ZBTB40: variants seen among roughly 807,000 people sequenced by gnomAD.
ZBTB40 encodes the protein zinc finger and BTB domain containing 40.
A neutral mutation model predicts 117.5 loss-of-function variants in ZBTB40; 60 were observed. The observed-to-expected ratio is 0.51, with a 90% confidence interval of 0.41 to 0.63. ZBTB40 has a LOEUF of 0.63. Ranked by LOEUF, ZBTB40 falls within the 30% of genes least tolerant of loss-of-function variation. ZBTB40 has a pLI of 0.00. For synonymous variants in ZBTB40, 525 were observed against 577.1 expected (o/e 0.91, Z 1.29); for missense variants, 1,287 against 1,498.5 (o/e 0.86, Z 2.33).
At chr1:22,442,848 G>A (rs1362727907) in intron 1 of ZBTB40, among the ~76,000 whole-genome samples, 1 of 152,166 alleles carries the variant, frequency 6.6e-6, no homozygotes, top group African/African-American at 2.4e-5. Flanking sequence ...GTCTCCAACT[G>A]TATTGAAGAA....
At chr1:22,450,167 A>G (rs917631784), upstream of ZBTB40, among the ~76,000 whole-genome samples, 1 of 152,034 alleles carries the variant, frequency 6.6e-6, no homozygotes, top group African/African-American at 2.4e-5. Context: ...CTGGTCTCGA[A>G]CTCCTGACCT....
chr1:22,513,706 T>A lies in ZBTB40; in HGVS notation c.2668+576T>A, dbSNP rs906050266. Reference sequence around the variant, plus strand: ...ACAGAGTGAGACTCCGTCTCAAAAATAATAATAATAATAAATAAAATTAAA... The same window carrying A: ...ACAGAGTGAGACTCCGTCTCAAAAAAAATAATAATAATAAATAAAATTAAA... On this transcript the variant is annotated intron_variant, in intron 12 of 17. Transcript: ENST00000375647. This position sits in a 1 kb window ranked among gnomAD's most constrained non-coding sequence, Gnocchi z 4.9. 1.4e-4 allele frequency among the ~76,000 whole-genome samples: 21 copies of A among 151,850 alleles called. No individual in the cohort carries two copies. Among genetic ancestry groups the A allele is most frequent in the African/African-American group, 5.1e-4 (21 of 41,458 alleles).
chr1:22,440,343 A>C (rs911124319), intron 1 of ZBTB40, among the ~76,000 whole-genome samples: 1 of 152,180 alleles, frequency 6.6e-6, no homozygotes, highest in African/African-American at 2.4e-5. Context: ...CTCTGACTAA[A>C]ACTTCTAATA....
At chr1:22,457,279 A>G (rs1403276815) in intron 1 of ZBTB40, among the ~76,000 whole-genome samples, 1 of 152,226 alleles carries the variant, frequency 6.6e-6, no homozygotes, top group Non-Finnish European at 1.5e-5. Context: ...GGCAAAACCT[A>G]TCTCAGAATT....
chr1:22,441,268 A>G (rs1198837151), intron 1 of ZBTB40, among the ~76,000 whole-genome samples: 3 of 152,164 alleles, frequency 2.0e-5, no homozygotes, highest in South Asian at 2.1e-4. Context: ...TTGGTATACA[A>G]TTGTTTGTAG....
intron 1 of ZBTB40, among the ~76,000 whole-genome samples, chr1:22,429,101 G>T (rs1250494103): frequency 6.6e-6 from 1 of 152,156 alleles, no homozygotes; most frequent in Admixed American, 6.5e-5. Context: ...GAAATTCTTG[G>T]GCCGGGCGCG....
At chr1:22,496,962 A>G (rs142129187) in intron 3 of ZBTB40, among the ~76,000 whole-genome samples, 23 of 152,322 alleles carry the variant, frequency 1.5e-4, no homozygotes, top group African/African-American at 5.3e-4. Context: ...TGCAGCCTTC[A>G]GTCTTTTGCC....
chr1:22,503,113 C>CTT (rs11449962), intron 5 of ZBTB40, among the ~76,000 whole-genome samples: 5,373 of 146,954 alleles, frequency 0.037, 196 homozygotes, highest in African/African-American at 0.083. Flanking sequence ...CATTAGTATC[C>CTT]TTTTTTTTTT....
intron 1 of ZBTB40, 44 bp from the exon 2 acceptor site, chr1:22,489,836 T>G: frequency 2.1e-6 from 2 of 971,690 alleles, no homozygotes; most frequent in Non-Finnish European, 3.3e-6. Flanking sequence ...CCTTTCCCTA[T>G]GGTTTTTTGA....
At chr1:22,488,122 C>T (rs554924315) in intron 1 of ZBTB40, among the ~76,000 whole-genome samples, 15 of 152,286 alleles carry the variant, frequency 9.8e-5, no homozygotes, top group African/African-American at 3.4e-4. Context: ...CTCCTGGACT[C>T]TCCTATCCCC....
rs1027573334 is a variant in ZBTB40, at chr1:22,528,595, G to C, written c.*2199G>C. ...CACCCAGACTGGAACACAGTGGCAC[G>C]ATCTTGGCTCACTGCAACCTCTGCG... On this transcript the variant is annotated 3_prime_UTR_variant, in exon 18 of 18. Transcript: ENST00000375647. The C allele has an allele frequency of 1.3e-5, 2 of 152,172 alleles. No homozygotes were observed. Among genetic ancestry groups the C allele is most frequent in the Non-Finnish European group, 2.9e-5 (2 of 68,040 alleles). 9.4% of individuals were successfully genotyped at this position (152,172 alleles called of 1,614,324 possible).
chr1:22,501,341 A>T, intron 3 of ZBTB40, 151 bp from the exon 4 acceptor site: 1 of 800,758 alleles, frequency 1.2e-6, no homozygotes, highest in South Asian at 1.5e-5. Flanking sequence ...GGCTTGTTGG[A>T]ACTGCTGCTG....
At chr1:22,524,941 T>A (rs10917246) in intron 17 of ZBTB40, among the ~76,000 whole-genome samples, 2 of 152,084 alleles carry the variant, frequency 1.3e-5, no homozygotes, top group South Asian at 2.1e-4. Flanking sequence ...CCAGATCCTC[T>A]TTTACTCTTC....
Position 22,521,774 on chromosome 1 carries a change from T to G in ZBTB40, c.3211+116T>G, listed in dbSNP as rs943787459. The G allele has an allele frequency of 4.1e-6, 6 of 1,466,586 alleles. No homozygotes were observed. The African/African-American group carries it at 8.4e-5, about 20-fold the overall frequency. 90.8% of individuals were successfully genotyped at this position (1,466,586 alleles called of 1,614,324 possible). ...AGTGTGATGTGCAGTGGTCATTGCC[T>G]TTGTTCTGCCCCAGCGCACCTGTCC... On this transcript the variant is annotated intron_variant, in intron 15 of 17. Transcript: ENST00000375647.
chr1:22,453,818 T>G (rs1214026359), intron 1 of ZBTB40, among the ~76,000 whole-genome samples: 2 of 152,164 alleles, frequency 1.3e-5, no homozygotes, highest in Admixed American at 1.3e-4. Flanking sequence ...GCTTAGGAGG[T>G]CCTTAAGGGC....
At position 22,526,518 on chromosome 1, in the gene ZBTB40, A is replaced by G; in HGVS notation, c.*122A>G. 1 of 1,254,036 alleles carries G rather than the reference A, an allele frequency of 8.0e-7. No individual in the cohort carries two copies. The highest frequency in any genetic ancestry group is 1.1e-6 in the Non-Finnish European group (1 of 877,386). 77.7% of individuals were successfully genotyped at this position (1,254,036 alleles called of 1,614,324 possible). On this transcript the variant is annotated 3_prime_UTR_variant, in exon 18 of 18. Coordinates refer to ENST00000375647, the MANE Select transcript of ZBTB40 (RefSeq NM_014870.4). ...GAGCATCTTAGCTTAGCACCAACCA[A>G]CACAGTCTCACCTAGAAAACAGATG...
intron 1 of ZBTB40, among the ~76,000 whole-genome samples, chr1:22,433,389 C>T (rs1161738856): frequency 1.7e-5 from 2 of 120,580 alleles, no homozygotes; most frequent in Non-Finnish European, 3.3e-5. Context: ...GCCAATATCG[C>T]ACCACTGCAC....
In ZBTB40 at chr1:22,513,214, C is replaced by A; in HGVS notation, c.2668+84C>A. On this transcript the variant is annotated intron_variant, in intron 12 of 17. Transcript: ENST00000375647. This position sits in a 1 kb window ranked among gnomAD's most constrained non-coding sequence, Gnocchi z 4.9. Reference sequence around the variant, plus strand: ...CATTTGGATTAGGTGTGATATATATCTCAAAAACAAAACAATTTGATAGCA... The same window carrying A: ...CATTTGGATTAGGTGTGATATATATATCAAAAACAAAACAATTTGATAGCA... 6.8e-7 allele frequency: 1 copy of A among 1,463,544 alleles called. No individual in the cohort carries two copies. Among genetic ancestry groups the A allele is most frequent in the Non-Finnish European group, 9.3e-7 (1 of 1,070,460 alleles). 90.7% of individuals were successfully genotyped at this position (1,463,544 alleles called of 1,614,324 possible). A position where few individuals can be genotyped will look rare whatever the true frequency, so the allele number is the denominator to read the frequency against.
intron 1 of ZBTB40, among the ~76,000 whole-genome samples, chr1:22,481,912 T>G (rs1014954223): frequency 6.6e-6 from 1 of 151,212 alleles, no homozygotes; most frequent in African/African-American, 2.4e-5. Flanking sequence ...GTTCAGATTT[T>G]TCTCAAATAT....
Sources: gnomAD v4.1 joint callset for allele counts (sites outside exome capture counted in the v4.1 genomes callset) on GRCh38, gnomAD v4.1.1 for gene constraint, Gnocchi (gnomAD v3.1) non-coding constraint, MANE v1.5 for transcripts, NCBI Gene and HGNC (gene_info 2026-07-23, HGNC 2026-07-21) for gene names.